PLLP: variants seen among roughly 807,000 people sequenced by gnomAD.
PLLP encodes the protein plasmolipin.
Under a neutral mutation model 19.7 loss-of-function variants are expected in PLLP, and 15 were observed. The observed-to-expected ratio is 0.76, with a 90% CI of 0.51 to 1.17. The LOEUF (loss-of-function observed/expected upper bound fraction) is 1.17. Among genes scored for constraint, PLLP ranks in the 50% most tolerant of loss-of-function variants. PLLP has a pLI of 0.00. For synonymous variants in PLLP, 111 were observed against 116.3 expected (o/e 0.95, Z 0.29); for missense variants, 255 against 258.3 (o/e 0.99, Z 0.09).
At chr16:57,275,055 C>T (rs1901132663) in intron 1 of PLLP, among the ~76,000 whole-genome samples, 2 of 151,894 alleles carry the variant, frequency 1.3e-5, no homozygotes, top group Non-Finnish European at 2.9e-5. Flanking sequence ...CCACCACGCC[C>T]GGCCAAGAGT....
intron 1 of PLLP, among the ~76,000 whole-genome samples, chr16:57,274,793 GCT>G (rs1189054541): frequency 4.0e-5 from 6 of 150,804 alleles, no homozygotes; most frequent in Non-Finnish European, 8.8e-5. Context: ...ATGGAGTCTT[GCT>G]CTGTCACCCA....
At chr16:57,273,661 T>C (rs11643781) in intron 1 of PLLP, among the ~76,000 whole-genome samples, 84,623 of 152,112 alleles carry the variant, frequency 0.56, 23,882 homozygotes, top group South Asian at 0.74. Flanking sequence ...CATGGGGATC[T>C]GTCAGATAAT....
At chr16:57,279,293 C>G (rs1018065621) in intron 1 of PLLP, among the ~76,000 whole-genome samples, 11 of 151,932 alleles carry the variant, frequency 7.2e-5, no homozygotes, top group Admixed American at 2.6e-4. Context: ...GGCCTGTGTT[C>G]CCATCAGCAC....
chr16:57,274,911 G>A (rs996807943), intron 1 of PLLP, among the ~76,000 whole-genome samples: 35 of 151,830 alleles, frequency 2.3e-4, no homozygotes, highest in African/African-American at 8.0e-4. Context: ...ACAGGCGCCC[G>A]CCACCATGCC....
rs149171475 is a variant in PLLP, at chr16:57,257,029, A to G, written c.433T>C (p.Phe145Leu). The G allele has an allele frequency of 1.5e-4, 246 of 1,607,792 alleles. No homozygotes were observed. Among genetic ancestry groups the G allele is most frequent in the Non-Finnish European group, 1.9e-4 (223 of 1,174,444 alleles). ...GCGATCATCACCAAACACGCAAAGA[A>G]CTGAAAGAGAGGTGAGAAGGGCTTA... ...RPYNQRAAAS[F>L]FACLVMIAYG... The change falls in exon 4 of 4, where the codon TTC (phenylalanine) becomes CTC (leucine). Residue 145 changes from phenylalanine (F) to leucine (L), a missense_variant and splice_region_variant. Physicochemically the swap from Phe to Leu is conservative, Grantham distance 22 (BLOSUM62 0). Coordinates refer to ENST00000219207, the MANE Select transcript of PLLP (RefSeq NM_015993.3).
At chr16:57,270,572 G>A (rs921544979) in intron 1 of PLLP, among the ~76,000 whole-genome samples, 9 of 151,810 alleles carry the variant, frequency 5.9e-5, no homozygotes, top group Admixed American at 1.3e-4. Context: ...CCCCACCCCC[G>A]CTCTGGCCCT....
chr16:57,282,648 G>A (rs1404533666), intron 1 of PLLP, among the ~76,000 whole-genome samples: 2 of 152,044 alleles, frequency 1.3e-5, no homozygotes, highest in African/African-American at 4.8e-5. Flanking sequence ...CCTGTAGCTC[G>A]CAGAAGTTAC....
chr16:57,274,952 G>A (rs1440045728), intron 1 of PLLP, among the ~76,000 whole-genome samples: 4 of 151,696 alleles, frequency 2.6e-5, no homozygotes, highest in East Asian at 3.9e-4. Context: ...TAGTAGAGAC[G>A]GGGTTTCACC....
chr16:57,265,071 A>T (rs918389403), intron 1 of PLLP, among the ~76,000 whole-genome samples: 1 of 151,478 alleles, frequency 6.6e-6, no homozygotes, highest in Non-Finnish European at 1.5e-5. Flanking sequence ...CCAGGGATCC[A>T]CCCCCCAACA....
chr16:57,262,901 G>T (rs1482400835), intron 1 of PLLP, among the ~76,000 whole-genome samples: 1 of 152,026 alleles, frequency 6.6e-6, no homozygotes, highest in Non-Finnish European at 1.5e-5. Flanking sequence ...CCTCATCAGT[G>T]CTCACAGGGC....
intron 1 of PLLP, among the ~76,000 whole-genome samples, chr16:57,265,625 T>A (rs116034312): frequency 1.3e-5 from 2 of 152,176 alleles, no homozygotes; most frequent in Non-Finnish European, 2.9e-5. Flanking sequence ...GCCAGACACA[T>A]CTCATTGATT....
Position 57,284,569 on chromosome 16 carries a change from T to C in PLLP, c.-29A>G. ...GGCTCCGCTTGCCTCCCGAGGTCGC[T>C]ACGGCCGCCGTCGCCGCCCCTCCAG... On this transcript the variant is annotated 5_prime_UTR_variant, in exon 1 of 4. Transcript: ENST00000219207. 2 of 1,326,040 alleles carry C rather than the reference T, an allele frequency of 1.5e-6. No individual in the cohort carries two copies. The highest frequency in any genetic ancestry group is 1.9e-6 in the Non-Finnish European group (2 of 1,031,810). The allele number at this position is 1,326,040 out of a possible 1,614,324, so 82.1% of individuals were successfully genotyped here. A position where few individuals can be genotyped will look rare whatever the true frequency, so the allele number is the denominator to read the frequency against.
chr16:57,267,266 C>G (rs1432406214), intron 1 of PLLP, among the ~76,000 whole-genome samples: 1 of 152,144 alleles, frequency 6.6e-6, no homozygotes, highest in African/African-American at 2.4e-5. Context: ...GGGAATGTGG[C>G]CTTATTTGAA....
At chr16:57,283,733 C>A (rs1025905179) in intron 1 of PLLP, among the ~76,000 whole-genome samples, 13 of 152,324 alleles carry the variant, frequency 8.5e-5, no homozygotes, top group Admixed American at 7.8e-4. Flanking sequence ...CCCCTCCCTC[C>A]AGCGATATCT....
rs1450286950 is a variant in PLLP at position 57,256,663 on chromosome 16, C to T, written c.*250G>A. On this transcript the variant is annotated 3_prime_UTR_variant, in exon 4 of 4. Transcript: ENST00000219207. ...AGAGACACAGCCTCAGATCCCCCGT[C>T]ATCTTCCACTGAATAAGGGGGATGG... 1.4e-5 allele frequency: 7 copies of T among 485,078 alleles called. No homozygotes were observed. Among genetic ancestry groups the T allele is most frequent in the South Asian group, 3.2e-5 (1 of 30,938 alleles). 30.0% of individuals were successfully genotyped at this position (485,078 alleles called of 1,614,324 possible). A position where few individuals can be genotyped will look rare whatever the true frequency, so the allele number is the denominator to read the frequency against.
At chr16:57,262,617 C>T (rs2075445535) in intron 1 of PLLP, among the ~76,000 whole-genome samples, 1 of 152,038 alleles carries the variant, frequency 6.6e-6, no homozygotes, top group Non-Finnish European at 1.5e-5. Flanking sequence ...CACCTGTGGT[C>T]CCAGCTACTC....
chr16:57,282,205 C>T (rs1228881181), intron 1 of PLLP, among the ~76,000 whole-genome samples: 1 of 149,444 alleles, frequency 6.7e-6, no homozygotes, highest in Non-Finnish European at 1.5e-5. Flanking sequence ...GCCCCTATTG[C>T]TAGTCTCTTT....
intron 2 of PLLP, 97 bp from the exon 3 acceptor site, chr16:57,258,681 C>A (rs1019447292): frequency 7.9e-7 from 1 of 1,258,356 alleles, no homozygotes; most frequent in South Asian, 1.2e-5. Context: ...CAGCACTTTG[C>A]GGGGCTGAAG....
At chr16:57,262,722 G>T (rs9940693) in intron 1 of PLLP, among the ~76,000 whole-genome samples, 1 of 152,060 alleles carries the variant, frequency 6.6e-6, no homozygotes, top group Non-Finnish European at 1.5e-5. Context: ...GAGACAGAGT[G>T]AAATTGTCTC....
Sources: gnomAD v4.1 joint callset for allele counts (sites outside exome capture counted in the v4.1 genomes callset) on GRCh38, gnomAD v4.1.1 for gene constraint, MANE v1.5 for transcripts, NCBI Gene and HGNC (gene_info 2026-07-23, HGNC 2026-07-21) for gene names.